Variants in MYO15B observed in about 807,000 individuals in gnomAD.
The protein encoded by MYO15B is myosin XVB.
Under a neutral mutation model 119.3 loss-of-function variants are expected in MYO15B, and 207 were observed. The observed-to-expected ratio is 1.73, with a 90% CI of 1.55 to 1.95. The LOEUF is 1.95. Among genes scored for constraint, MYO15B ranks in the 30% most tolerant of loss-of-function variants. The pLI, the probability that MYO15B is intolerant of heterozygous loss-of-function variation, is 0.00. For synonymous variants in MYO15B, 966 were observed against 498.9 expected, an observed-to-expected ratio of 1.94 and a Z score of -12.48; for missense variants, 2,264 against 1,203.1, an observed-to-expected ratio of 1.88 and a Z score of -13.04.
At chr17:75,602,184 A>G (rs1233437579) in intron 15 of MYO15B, 2 of 392,724 alleles carry the variant, frequency 5.1e-6, no homozygotes, top group Non-Finnish European at 9.5e-6. Context: ...AAAGAAATAC[A>G]AGGAGTTCAA....
chr17:75,614,218 C>T (rs752452488), exon 30 of MYO15B: 34 of 702,474 alleles, frequency 4.8e-5, no homozygotes, highest in Admixed American at 2.2e-4. Context: ...GGCGCCTCCC[C>T]GGGGCTGGTC....
intron 30 of MYO15B, 28 bp downstream of exon 30, chr17:75,614,388 T>G: frequency 1.4e-6 from 1 of 697,294 alleles, no homozygotes; most frequent in South Asian, 1.5e-5. Context: ...CCCCTCTCCC[T>G]GGCCTGCTCC....
At chr17:75,611,728 C>A (rs1239950374) in intron 24 of MYO15B, 70 bp downstream of exon 24, 2 of 699,964 alleles carry the variant, frequency 2.9e-6, no homozygotes, top group Non-Finnish European at 5.2e-6. Flanking sequence ...GTGTCTGTCC[C>A]TTGTGGTTCC....
rs550352577 is a variant in MYO15B at position 75,620,373 on chromosome 17, G to A, written c.7555+16G>A. 2.0e-5 allele frequency: 14 copies of A among 702,900 alleles called. No individual in the cohort carries two copies. The highest frequency in any genetic ancestry group is 5.9e-5 in the South Asian group (4 of 67,590). 43.5% of individuals were successfully genotyped at this position (702,900 alleles called of 1,614,324 possible). A position where few individuals can be genotyped will look rare whatever the true frequency, so the allele number is the denominator to read the frequency against. On this transcript the variant is annotated intron_variant, in intron 48 of 63. Coordinates refer to ENST00000645453, the Ensembl canonical transcript of MYO15B. Reference sequence around the variant, plus strand: ...CTGGAGCCAGGTATCGCCAGAGGCCGGCAGGGGCTCACACAGGGAGGGCAT... The same window carrying A: ...CTGGAGCCAGGTATCGCCAGAGGCCAGCAGGGGCTCACACAGGGAGGGCAT...
intron 9 of MYO15B, among the ~76,000 whole-genome samples, chr17:75,593,717 C>T (rs1198424312): frequency 3.3e-5 from 5 of 149,680 alleles, no homozygotes; most frequent in Admixed American, 3.3e-4. Context: ...GTCAGGAGTT[C>T]GAGACCAGCC....
rs1305472885 is a variant in MYO15B at position 75,620,448 on chromosome 17, A to G, written c.7556-19A>G. On this transcript the variant is annotated intron_variant, in intron 48 of 63. Coordinates refer to ENST00000645453, the Ensembl canonical transcript of MYO15B. Reference sequence around the variant, plus strand: ...GCAGAGGGTCCAGTGGGTGAGCCACATCCCTGGGTGCCTTCCAGGCTGGCA... The same window carrying G: ...GCAGAGGGTCCAGTGGGTGAGCCACGTCCCTGGGTGCCTTCCAGGCTGGCA... The G allele has an allele frequency of 8.5e-6, 6 of 702,328 alleles. No homozygotes were observed. Among genetic ancestry groups the G allele is most frequent in the Non-Finnish European group, 1.6e-5 (6 of 384,762 alleles). The allele number at this position is 702,328 out of a possible 1,614,324, so 43.5% of individuals were successfully genotyped here.
rs1292608487 is a variant in MYO15B, at chr17:75,603,315, G to A, written c.4016+3G>A. On this transcript the variant is annotated splice_donor_region_variant and intron_variant, in intron 19 of 63. Coordinates refer to ENST00000645453, the Ensembl canonical transcript of MYO15B. The stretch of plus-strand genomic sequence containing the variant: ...CCCTTTGAGGCCTTCCTGGCCAGGT[G>A]GGGCCCAGCACCTCGGGGCAGGACT... The A allele has an allele frequency of 1.4e-6, 1 of 703,004 alleles. No homozygotes were observed. Among genetic ancestry groups the A allele is most frequent in the Admixed American group, 2.0e-5 (1 of 50,010 alleles). The allele number at this position is 703,004 out of a possible 1,614,324, so 43.5% of individuals were successfully genotyped here.
chr17:75,614,226 G>A lies in MYO15B; in HGVS notation c.5247G>A (p.Trp1749Ter), dbSNP rs984142433. Residue 1749 changes from tryptophan (W) to a stop codon, truncating the protein, a stop_gained, in exon 30 of 64, where the codon TGG becomes TGA. Coordinates refer to ENST00000645453, the Ensembl canonical transcript of MYO15B. LOFTEE classifies it high-confidence loss of function. Reference sequence around the variant, plus strand: ...GCCTGGAGGCGCCTCCCCGGGGCTGGTCTGTGTCACTGCACTCCAGGGACG... The same window carrying A: ...GCCTGGAGGCGCCTCCCCGGGGCTGATCTGTGTCACTGCACTCCAGGGACG... 4 of 702,680 alleles carry A rather than the reference G, an allele frequency of 5.7e-6. No individual in the cohort carries two copies. Among genetic ancestry groups the A allele is most frequent in the Non-Finnish European group, 1.0e-5 (4 of 384,856 alleles). The allele number at this position is 702,680 out of a possible 1,614,324, so 43.5% of individuals were successfully genotyped here. A position where few individuals can be genotyped will look rare whatever the true frequency, so the allele number is the denominator to read the frequency against.
chr17:75,622,593 GGAGA>G (rs1454422979), intron 53 of MYO15B, among the ~76,000 whole-genome samples: 1 of 152,310 alleles, frequency 6.6e-6, no homozygotes, highest in South Asian at 2.1e-4. Flanking sequence ...AGAGGATTCT[GGAGA>G]GAGACTCGGC....
At chr17:75,621,742 A>C in intron 52 of MYO15B, 172 bp downstream of exon 52, 1 of 603,754 alleles carries the variant, frequency 1.7e-6, no homozygotes, top group East Asian at 2.8e-5. Context: ...CTCCCACTCA[A>C]GGGTTGTGGG....
exon 1 of MYO15B, chr17:75,590,205 A>G (rs2056345070): frequency 5.0e-6 from 2 of 398,964 alleles, no homozygotes; most frequent in Non-Finnish European, 4.4e-6. Flanking sequence ...GGAGCCTCGG[A>G]GACGGCCTGG....
chr17:75,592,844 G>A lies in MYO15B; in HGVS notation c.2991+4G>A, dbSNP rs1269033680. The A allele has an allele frequency of 1.4e-6, 1 of 700,694 alleles. No individual in the cohort carries two copies. Among genetic ancestry groups the A allele is most frequent in the African/African-American group, 1.7e-5 (1 of 57,224 alleles). 43.4% of individuals were successfully genotyped at this position (700,694 alleles called of 1,614,324 possible). A position where few individuals can be genotyped will look rare whatever the true frequency, so the allele number is the denominator to read the frequency against. On this transcript the variant is annotated splice_donor_region_variant and intron_variant, in intron 9 of 63. Coordinates refer to ENST00000645453, the Ensembl canonical transcript of MYO15B. ...CATCTGCTTCTCCTCCTCAGAGGTG[G>A]GCTTCCCCGTGGGCAGGGGCCATCT...
chr17:75,594,506 G>A, exon 10 of MYO15B: 1 of 613,112 alleles, frequency 1.6e-6, no homozygotes, highest in Non-Finnish European at 2.9e-6. Context: ...GCTGTGTCTA[G>A]CTGGGCTGAG....
In MYO15B at chr17:75,589,951, G is replaced by C. The variant is rs1189446769; in HGVS notation, c.1894G>C (p.Glu632Gln). The stretch of plus-strand genomic sequence containing the variant: ...GGCGGAGTTGGAGACCCTCAATGAC[G>C]AGCCCCCGGTGCGCTGGGCGCAGGG... The change falls in exon 1 of 64, where the codon GAG (glutamate) becomes CAG (glutamine). Residue 632 changes from glutamate to glutamine, a missense_variant. Transcript: ENST00000645453. This position sits in a 1 kb window ranked among gnomAD's most constrained non-coding sequence, Gnocchi z 4.2. The C allele has an allele frequency of 5.0e-6, 2 of 398,586 alleles. No homozygotes were observed. Among genetic ancestry groups the C allele is most frequent in the Non-Finnish European group, 4.4e-6 (1 of 226,020 alleles). The allele number at this position is 398,586 out of a possible 1,614,324, so 24.7% of individuals were successfully genotyped here. A position where few individuals can be genotyped will look rare whatever the true frequency, so the allele number is the denominator to read the frequency against.
At chr17:75,611,946 G>C (rs780855226) in exon 25 of MYO15B, 1 of 702,940 alleles carries the variant, frequency 1.4e-6, no homozygotes, top group Admixed American at 2.0e-5. Context: ...GTTCCTGCCC[G>C]GCCCAGCCTG....
At chr17:75,591,863 A>G in intron 5 of MYO15B, 114 bp from the exon 6 acceptor site, 3 of 667,094 alleles carry the variant, frequency 4.5e-6, no homozygotes, top group Non-Finnish European at 5.5e-6. Flanking sequence ...GGTCAGCTGC[A>G]GGCACTGCCC....
exon 23 of MYO15B, chr17:75,610,951 C>T: frequency 1.4e-6 from 1 of 702,998 alleles, no homozygotes; most frequent in Non-Finnish European, 2.6e-6. Context: ...GGAGAGAGTG[C>T]CAAGCATGGT....
chr17:75,616,380 CAGGAGGAGGAGG>C lies in MYO15B; in HGVS notation c.6202_6213del (p.Glu2068_Glu2071del), dbSNP rs368250560. On this transcript the variant is annotated inframe_deletion, in exon 38 of 64. Coordinates refer to ENST00000645453, the Ensembl canonical transcript of MYO15B. ...GGTCCACATCCCCCAGGGGGAAGCG[CAGGAGGAGGAGG>C]AGGAGGAGGAGGAGGAGGAGGAGCA... 514 of 610,122 alleles carry C rather than the reference CAGGAGGAGGAGG, an allele frequency of 8.4e-4. 1 individual carries two copies. The highest frequency in any genetic ancestry group is 7.0e-3 in the African/African-American group (375 of 53,452). 37.8% of individuals were successfully genotyped at this position (610,122 alleles called of 1,614,324 possible).
intron 24 of MYO15B, 82 bp downstream of exon 24, chr17:75,611,740 C>A (rs1458157899): frequency 4.3e-6 from 3 of 698,700 alleles, no homozygotes; most frequent in Non-Finnish European, 7.8e-6. Flanking sequence ...TGTGGTTCCT[C>A]CCTCTGATGC....
Sources: gnomAD v4.1 joint callset for allele counts (sites outside exome capture counted in the v4.1 genomes callset) on GRCh38, gnomAD v4.1.1 for gene constraint, Gnocchi (gnomAD v3.1) non-coding constraint, MANE v1.5 for transcripts, NCBI Gene and HGNC (gene_info 2026-07-23, HGNC 2026-07-21) for gene names.